TOGARAM2: variants seen among roughly 807,000 people sequenced by gnomAD.
TOGARAM2 encodes the protein TOG array regulator of axonemal microtubules protein 2.
Under a neutral mutation model 93.3 loss-of-function variants are expected in TOGARAM2, and 85 were observed. The ratio of observed to expected loss-of-function variants is 0.91; its 90% CI spans 0.76 to 1.09. The LOEUF is 1.09. Among genes scored for constraint, TOGARAM2 ranks in the 50% least tolerant of loss-of-function variants. TOGARAM2 has a pLI of 0.00. For synonymous variants in TOGARAM2, 593 were observed against 552.8 expected (o/e 1.07, Z -1.02); for missense variants, 1,277 against 1,334.5 (o/e 0.96, Z 0.67).
chr2:29,008,121 A>G (rs974875274), intron 6 of TOGARAM2, among the ~76,000 whole-genome samples: 1 of 150,830 alleles, frequency 6.6e-6, no homozygotes, highest in Admixed American at 6.6e-5. Flanking sequence ...TTGTTTATTT[A>G]TTTTGTTTTA....
intron 18 of TOGARAM2, among the ~76,000 whole-genome samples, chr2:29,044,870 C>G (rs1468669839): frequency 1.3e-5 from 2 of 152,096 alleles, no homozygotes; most frequent in African/African-American, 4.8e-5. Flanking sequence ...GTAATCATGG[C>G]TCAGTGATTC....
rs1037606416 is a variant in TOGARAM2 at position 28,973,691 on chromosome 2, T to TA, written c.-147+17003dup. Among the ~76,000 whole-genome samples, 22 of 151,080 alleles carry TA rather than the reference T, an allele frequency of 1.5e-4. No homozygotes were observed. The South Asian group carries it at 3.2e-3, about 22-fold the overall frequency. ...GCATGCATCACCACATCCAGCTAAT[T>TA]AAAAAAAAATGTTTTTGTAGAGCTC... On this transcript the variant is annotated intron_variant, in intron 1 of 6. Transcript: ENST00000401723.
intron 1 of TOGARAM2, among the ~76,000 whole-genome samples, chr2:28,972,766 A>G (rs1370557120): frequency 3.9e-5 from 6 of 152,104 alleles, no homozygotes; most frequent in African/African-American, 1.4e-4. Flanking sequence ...TGTCCTCCAT[A>G]TTCCAGGGTC....
intron 2 of TOGARAM2, among the ~76,000 whole-genome samples, chr2:28,995,933 C>T (rs769307559): frequency 6.6e-6 from 1 of 152,122 alleles, no homozygotes; most frequent in South Asian, 2.1e-4. Context: ...GTGGGACCCA[C>T]GTTTGTGAAG....
intron 5 of TOGARAM2, 122 bp downstream of exon 5, chr2:29,002,869 G>T: frequency 2.2e-6 from 2 of 902,950 alleles, no homozygotes; most frequent in Non-Finnish European, 1.7e-6. Context: ...GAGGTGTCTT[G>T]AGGTCTGCAG....
At chr2:29,039,036 G>A (rs1350926299) in intron 18 of TOGARAM2, among the ~76,000 whole-genome samples, 8 of 152,172 alleles carry the variant, frequency 5.3e-5, no homozygotes, top group Non-Finnish European at 2.9e-5. Flanking sequence ...GCAGATGGAA[G>A]TAACTAAATT....
chr2:28,991,048 C>T, intron 1 of TOGARAM2, among the ~76,000 whole-genome samples: 1 of 140,676 alleles, frequency 7.1e-6, no homozygotes, highest in South Asian at 2.3e-4. Flanking sequence ...GTGGCTTTTC[C>T]CCAGGGAAAA....
intron 6 of TOGARAM2, among the ~76,000 whole-genome samples, chr2:29,003,902 A>G (rs1673466730): frequency 6.6e-6 from 1 of 152,224 alleles, no homozygotes; most frequent in South Asian, 2.1e-4. Flanking sequence ...GGCTGGGTCA[A>G]TGGCATCACG....
At chr2:28,970,891 T>G (rs1242949602) in intron 1 of TOGARAM2, 6 of 152,170 alleles carry the variant, frequency 3.9e-5, no homozygotes, top group Admixed American at 3.9e-4. Context: ...AATCTTTTCT[T>G]CCATTCACAT....
At chr2:29,005,472 T>C (rs116418544) in intron 6 of TOGARAM2, among the ~76,000 whole-genome samples, 2 of 7,342 alleles carry the variant, frequency 2.7e-4, no homozygotes, top group South Asian at 2.6e-3. Context: ...TGACTGCATG[T>C]GTGTGCATGT....
chr2:28,969,216 A>C (rs917397348), intron 1 of TOGARAM2, among the ~76,000 whole-genome samples: 1 of 152,232 alleles, frequency 6.6e-6, no homozygotes, highest in Non-Finnish European at 1.5e-5. Context: ...AGTGCAGGCC[A>C]TCTCTGGGGG....
intron 18 of TOGARAM2, 141 bp from the exon 19 acceptor site, chr2:29,045,183 T>C: frequency 1.5e-6 from 1 of 646,966 alleles, no homozygotes; most frequent in Admixed American, 2.9e-5. Flanking sequence ...AAGTGGCCCC[T>C]TTGTGACCTG....
intron 14 of TOGARAM2, among the ~76,000 whole-genome samples, chr2:29,030,426 A>G (rs1486532113): frequency 6.6e-6 from 1 of 152,076 alleles, no homozygotes; most frequent in Admixed American, 6.6e-5. Context: ...AGCATCTACT[A>G]TATAATAAAG....
intron 18 of TOGARAM2, 37 bp from the exon 19 acceptor site, chr2:29,045,287 C>T: frequency 1.9e-6 from 3 of 1,569,598 alleles, no homozygotes; most frequent in Non-Finnish European, 1.7e-6. Flanking sequence ...ACTCAGCCCC[C>T]AGCAGTGTGG....
upstream of TOGARAM2, among the ~76,000 whole-genome samples, chr2:28,977,156 C>T (rs1301745144): frequency 6.6e-6 from 1 of 152,176 alleles, no homozygotes; most frequent in Non-Finnish European, 1.5e-5. Context: ...AGTTTGGAAG[C>T]CCAAGGAGGG....
At chr2:29,006,404 ATG>A (rs1479463191) in intron 6 of TOGARAM2, among the ~76,000 whole-genome samples, 1 of 106,546 alleles carries the variant, frequency 9.4e-6, no homozygotes, top group Middle Eastern at 5.8e-3. Flanking sequence ...GTGTGAGTGC[ATG>A]TGTGTTCATG....
intron 4 of TOGARAM2, among the ~76,000 whole-genome samples, chr2:29,001,891 A>G (rs982413522): frequency 3.3e-5 from 5 of 151,358 alleles, no homozygotes; most frequent in Non-Finnish European, 7.4e-5. Flanking sequence ...ACTGATATTT[A>G]CAAAGATAAC....
chr2:28,957,311 G>T (rs1671734933), intron 1 of TOGARAM2, among the ~76,000 whole-genome samples: 1 of 151,896 alleles, frequency 6.6e-6, no homozygotes, highest in Admixed American at 6.6e-5. Context: ...TTCTCCTGTA[G>T]CCGGGATTAC....
At chr2:28,972,296 C>G (rs1671960704) in intron 1 of TOGARAM2, 1 of 152,106 alleles carries the variant, frequency 6.6e-6, no homozygotes, top group South Asian at 2.1e-4. Context: ...ACCATGTTGC[C>G]TAGGGTGGTT....
Sources: gnomAD v4.1 joint callset for allele counts (sites outside exome capture counted in the v4.1 genomes callset) on GRCh38, gnomAD v4.1.1 for gene constraint, MANE v1.5 for transcripts, NCBI Gene and HGNC (gene_info 2026-07-23, HGNC 2026-07-21) for gene names.